The following AP3B1 variants were observed in gnomAD, a reference collection of about 807,000 sequenced individuals.
AP3B1 encodes adaptor related protein complex 3 subunit beta 1, also known as AP-3 complex subunit beta-1.
In AP3B1, 61 loss-of-function variants were observed where a neutral mutation model predicts 132.5. The observed-to-expected ratio is 0.46, with a 90% CI of 0.37 to 0.57. The LOEUF (loss-of-function observed/expected upper bound fraction) is 0.57. AP3B1 is among the 20% of genes least tolerant of loss of function. AP3B1 has a pLI of 0.00. For synonymous variants in AP3B1, 388 were observed against 438.3 expected (o/e 0.89, Z 1.43); for missense variants, 1,120 against 1,289.4 (o/e 0.87, Z 2.01).
intron 15 of AP3B1, among the ~76,000 whole-genome samples, chr5:78,131,593 A>C (rs1394962565): frequency 1.3e-5 from 2 of 152,116 alleles, no homozygotes; most frequent in East Asian, 3.9e-4. Flanking sequence ...TATGTCATCA[A>C]TTTAGATACT....
chr5:78,191,923 C>G (rs774722373), intron 7 of AP3B1, among the ~76,000 whole-genome samples: 8 of 152,038 alleles, frequency 5.3e-5, no homozygotes, highest in African/African-American at 9.7e-5. Flanking sequence ...TGCAATGGCG[C>G]GATCTCGGCT....
chr5:78,036,477 TG>T (rs1430347930), intron 23 of AP3B1, among the ~76,000 whole-genome samples: 1 of 152,184 alleles, frequency 6.6e-6, no homozygotes, highest in Non-Finnish European at 1.5e-5. Flanking sequence ...TTTACTTTGA[TG>T]TAACAGTTGT....
chr5:78,174,980 C>T (rs1321422715), intron 11 of AP3B1, among the ~76,000 whole-genome samples: 1 of 152,256 alleles, frequency 6.6e-6, no homozygotes, highest in Non-Finnish European at 1.5e-5. Context: ...TCTAAGGCTG[C>T]TGCGCTAGCA....
intron 1 of AP3B1, among the ~76,000 whole-genome samples, chr5:78,285,873 G>A (rs1458472832): frequency 1.3e-5 from 2 of 151,894 alleles, no homozygotes; most frequent in Non-Finnish European, 1.5e-5. Context: ...ACCACCAATC[G>A]GATCACCTTC....
At chr5:78,269,621 A>G (rs1011582909) in intron 1 of AP3B1, among the ~76,000 whole-genome samples, 6 of 152,202 alleles carry the variant, frequency 3.9e-5, no homozygotes, top group African/African-American at 1.4e-4. Context: ...TTCTAAAGAC[A>G]ACATAAATTA....
intron 1 of AP3B1, among the ~76,000 whole-genome samples, chr5:78,289,854 T>C (rs539910923): frequency 2.5e-4 from 38 of 152,312 alleles, no homozygotes; most frequent in African/African-American, 9.1e-4. Flanking sequence ...CTTTACTACC[T>C]ACTATTCATA....
At chr5:78,182,067 T>C (rs1378985969) in intron 7 of AP3B1, among the ~76,000 whole-genome samples, 1 of 152,142 alleles carries the variant, frequency 6.6e-6, no homozygotes, top group Admixed American at 6.5e-5. Context: ...AAGAGGAGCA[T>C]TGTTTGAATA....
chr5:78,015,294 GTATA>G, intron 26 of AP3B1, 112 bp downstream of exon 26: 1 of 1,040,904 alleles, frequency 9.6e-7, no homozygotes, highest in Non-Finnish European at 1.4e-6. Flanking sequence ...GGGAGTGTGT[GTATA>G]TATATATATG....
chr5:78,165,574 T>A, intron 12 of AP3B1, 36 bp downstream of exon 12: 2 of 1,448,054 alleles, frequency 1.4e-6, no homozygotes, highest in Non-Finnish European at 1.9e-6. Context: ...GAACATATGT[T>A]TTAGAAGTTT....
rs1348352329 is a variant in AP3B1 at position 78,097,766 on chromosome 5, G to C, written c.2470+3187C>G. Among the ~76,000 whole-genome samples, 14 of 152,182 alleles carry C rather than the reference G, an allele frequency of 9.2e-5. No individual in the cohort carries two copies. The East Asian group carries it at 2.5e-3, about 27-fold the overall frequency. On this transcript the variant is annotated intron_variant, in intron 21 of 26. Coordinates refer to ENST00000255194, the MANE Select transcript of AP3B1 (RefSeq NM_003664.5). The stretch of plus-strand genomic sequence containing the variant: ...AGCCCCTCTGCCCGGCCACCACCCC[G>C]TCTGGGAGGTGTGCCCAACAGCTCA...
chr5:78,080,716 A>C (rs1348168296), intron 22 of AP3B1, among the ~76,000 whole-genome samples: 1 of 151,120 alleles, frequency 6.6e-6, no homozygotes, highest in East Asian at 1.9e-4. Context: ...TTTTAAAAAT[A>C]AGCTTCCTGT....
intron 22 of AP3B1, among the ~76,000 whole-genome samples, chr5:78,083,492 A>G (rs982262690): frequency 5.3e-5 from 8 of 152,224 alleles, no homozygotes; most frequent in African/African-American, 1.9e-4. Flanking sequence ...CCCTGCAAGA[A>G]GCATACATTT....
chr5:78,193,035 C>G (rs1398720375), intron 7 of AP3B1, among the ~76,000 whole-genome samples: 1 of 152,188 alleles, frequency 6.6e-6, no homozygotes, highest in East Asian at 1.9e-4. Context: ...TAGGATCGAG[C>G]TTTACGGCAG....
intron 2 of AP3B1, among the ~76,000 whole-genome samples, chr5:78,241,390 A>G (rs1355091999): frequency 1.3e-5 from 2 of 152,076 alleles, no homozygotes; most frequent in Non-Finnish European, 2.9e-5. Context: ...ACAGGGTACC[A>G]CTATGTTGCC....
Position 78,101,002 on chromosome 5 carries a change from T to G in AP3B1, c.2421A>C (p.Gln807His). Reference sequence around the variant, plus strand: ...CATCTTTGGTAAGAGGAGTTCTATCTTGCTTTGTTTTCTTTTCTTTCTCCT... The same window carrying G: ...CATCTTTGGTAAGAGGAGTTCTATCGTGCTTTGTTTTCTTTTCTTTCTCCT... Reference protein sequence around the residue: ...VTKEKEKKTKQDRTPLTKDVS... With the variant: ...VTKEKEKKTKHDRTPLTKDVS... Residue 807 changes from glutamine (Q) to histidine (H), a missense_variant, in exon 21 of 27, where the codon CAA becomes CAC. Coordinates refer to ENST00000255194, the MANE Select transcript of AP3B1 (RefSeq NM_003664.5). The G allele has an allele frequency of 6.5e-7, 1 of 1,547,812 alleles. No homozygotes were observed. Among genetic ancestry groups the G allele is most frequent in the South Asian group, 1.1e-5 (1 of 87,600 alleles).
chr5:78,276,235 T>C (rs1389326174), intron 1 of AP3B1, among the ~76,000 whole-genome samples: 1 of 151,860 alleles, frequency 6.6e-6, no homozygotes, highest in Non-Finnish European at 1.5e-5. Flanking sequence ...CTGGCTAATG[T>C]TTTTTTATTT....
Position 78,070,797 on chromosome 5 carries a change from C to A in AP3B1, c.2577+18596G>T, listed in dbSNP as rs544605418. On this transcript the variant is annotated intron_variant, in intron 22 of 26. Coordinates refer to ENST00000255194, the MANE Select transcript of AP3B1 (RefSeq NM_003664.5). ...CAAAAGAAGATATTTATGTGGCCAA[C>A]AAACATGAAAGAAAGCTCCATATCA... Among the ~76,000 whole-genome samples the A allele has an allele frequency of 9.2e-5, 14 of 151,556 alleles. No homozygotes were observed. In the East Asian group the frequency reaches 2.3e-3, roughly 25 times the overall value.
intron 22 of AP3B1, among the ~76,000 whole-genome samples, chr5:78,054,502 T>C (rs559991753): frequency 1.4e-4 from 20 of 139,558 alleles, no homozygotes; most frequent in African/African-American, 4.5e-4. Flanking sequence ...GTAGTAACAA[T>C]GATTTCGTCA....
chr5:78,081,617 C>T (rs1313561446), intron 22 of AP3B1, among the ~76,000 whole-genome samples: 3 of 151,974 alleles, frequency 2.0e-5, no homozygotes, highest in South Asian at 4.1e-4. Context: ...TTTTATAGAA[C>T]GTGTGAATTA....
Sources: allele counts gnomAD v4.1 joint callset (sites outside exome capture counted in the v4.1 genomes callset), GRCh38; gene constraint gnomAD v4.1.1; transcripts MANE v1.5; gene names NCBI Gene and HGNC (gene_info 2026-07-23, HGNC 2026-07-21).